SHANK2: variants seen among roughly 807,000 people sequenced by gnomAD.
SHANK2 encodes SH3 and multiple ankyrin repeat domains protein 2.
In SHANK2, 43 loss-of-function variants were observed where a neutral mutation model predicts 133.7. That is an observed-to-expected ratio of 0.32 (90% CI 0.25 to 0.41). The LOEUF is 0.41. Among genes scored for constraint, SHANK2 ranks in the 10% least tolerant of loss-of-function variants. SHANK2 has a pLI of 1.00. For synonymous variants in SHANK2, 1,017 were observed against 952.8 expected (o/e 1.07, Z -1.24); for missense variants, 1,994 against 2,235.8 (o/e 0.89, Z 2.18).
intron 17 of SHANK2, among the ~76,000 whole-genome samples, chr11:70,653,282 T>C (rs1211640789): frequency 1.3e-5 from 2 of 152,088 alleles, no homozygotes; most frequent in African/African-American, 4.8e-5. Flanking sequence ...CTGGACTTCA[T>C]TTTCTTTCCT....
At chr11:70,734,329 G>A (rs1946354863) in intron 14 of SHANK2, among the ~76,000 whole-genome samples, 4 of 152,212 alleles carry the variant, frequency 2.6e-5, no homozygotes, top group Admixed American at 6.5e-5. Flanking sequence ...GTTAAAACCC[G>A]AGGGAGGTCG....
intron 3 of SHANK2, among the ~76,000 whole-genome samples, chr11:71,121,888 T>C (rs1362870024): frequency 6.6e-6 from 1 of 152,092 alleles, no homozygotes; most frequent in Non-Finnish European, 1.5e-5. Flanking sequence ...AACAGACACA[T>C]GAAAAAATGC....
At chr11:70,669,261 C>G (rs549122910) in intron 15 of SHANK2, 2 of 152,242 alleles carry the variant, frequency 1.3e-5, no homozygotes, top group African/African-American at 2.4e-5. Flanking sequence ...CTGTGGGGAA[C>G]GGTGGATGAC....
At chr11:70,499,978 C>A (rs2059027063) in intron 21 of SHANK2, among the ~76,000 whole-genome samples, 1 of 152,174 alleles carries the variant, frequency 6.6e-6, no homozygotes, top group South Asian at 2.1e-4. Context: ...GCAATACCCC[C>A]CGATGTGCTT....
chr11:71,250,308 CAAGG>C (rs1948157795), intron 1 of SHANK2, among the ~76,000 whole-genome samples: 1 of 152,152 alleles, frequency 6.6e-6, no homozygotes, highest in Non-Finnish European at 1.5e-5. Flanking sequence ...TCCAGGAAAA[CAAGG>C]AATTCCTGGG....
chr11:70,936,024 A>T (rs1279831134), intron 10 of SHANK2, among the ~76,000 whole-genome samples: 5 of 152,220 alleles, frequency 3.3e-5, no homozygotes, highest in Admixed American at 3.3e-4. Flanking sequence ...CCTGCGGCTG[A>T]GGTCTCACAC....
intron 10 of SHANK2, chr11:70,943,836 G>A (rs925153838): frequency 4.5e-6 from 2 of 440,696 alleles, no homozygotes; most frequent in African/African-American, 4.0e-5. Context: ...TCACCACAGG[G>A]CCAACCACAT....
chr11:70,761,837 G>T (rs1555040311), intron 14 of SHANK2, among the ~76,000 whole-genome samples: 1 of 152,204 alleles, frequency 6.6e-6, no homozygotes, highest in East Asian at 1.9e-4. Flanking sequence ...CCAAACCTGA[G>T]CTGCCCCGGA....
intron 10 of SHANK2, among the ~76,000 whole-genome samples, chr11:71,055,901 A>G (rs1474022479): frequency 1.3e-5 from 2 of 151,316 alleles, no homozygotes; most frequent in East Asian, 4.0e-4. Flanking sequence ...CAGCATCATG[A>G]ATATTCTTAA....
At chr11:71,190,662 C>T (rs72957130) in intron 2 of SHANK2, among the ~76,000 whole-genome samples, 7 of 152,272 alleles carry the variant, frequency 4.6e-5, no homozygotes, top group Admixed American at 6.5e-5. Context: ...AAGTGTGTGA[C>T]GTCCTGCAGG....
chr11:71,096,373 A>G (rs1951612888), intron 6 of SHANK2, among the ~76,000 whole-genome samples: 1 of 152,320 alleles, frequency 6.6e-6, no homozygotes, highest in East Asian at 1.9e-4. Context: ...AGAGTTCCAC[A>G]TGTGCACAGA....
At chr11:71,089,195 C>A (rs1555093479) in intron 8 of SHANK2, among the ~76,000 whole-genome samples, 1 of 152,220 alleles carries the variant, frequency 6.6e-6, no homozygotes, top group Non-Finnish European at 1.5e-5. Flanking sequence ...GGAGCTGCCT[C>A]TTCCACATCC....
chr11:70,818,626 C>T lies in SHANK2; in HGVS notation c.1493+1738G>A, dbSNP rs139164114. The stretch of plus-strand genomic sequence containing the variant: ...TAATTTAGCTTCCCATTGTTCTCAG[C>T]ACCTGGGACTCCTCCCTTGGGGTCC... On this transcript the variant is annotated intron_variant, in intron 12 of 25. Transcript: ENST00000601538. 2.9e-3 allele frequency among the ~76,000 whole-genome samples: 436 copies of T among 152,310 alleles called. 2 individuals carry two copies. Among genetic ancestry groups the T allele is most frequent in the African/African-American group, 9.7e-3 (403 of 41,562 alleles).
Position 70,473,257 on chromosome 11 carries a change from G to T in SHANK2, c.5162C>A (p.Thr1721Asn), listed in dbSNP as rs1555149187. ...GGCAGCAGACAGGGGGGCGGGCAGG[G>T]TCTCTTTGTTCATCTCTGTTGGCGA... ...VVSPTEMNKE[T>N]LPAPLSAATA... is the part of the protein sequence containing the mutation. Residue 1721 changes from threonine (T) to asparagine (N), a missense_variant, in exon 26 of 26, where the codon ACC (threonine) becomes AAC (asparagine). Physicochemically the swap from Thr to Asn is moderately conservative, Grantham distance 65 (BLOSUM62 0). Coordinates refer to ENST00000601538, the MANE Select transcript of SHANK2 (RefSeq NM_012309.5). The surrounding 1 kb of genome is among the most constrained non-coding windows in gnomAD (Gnocchi z 5.9). The T allele has an allele frequency of 6.2e-7, 1 of 1,611,236 alleles. No homozygotes were observed. The highest frequency in any genetic ancestry group is 8.5e-7 in the Non-Finnish European group (1 of 1,177,574).
intron 2 of SHANK2, among the ~76,000 whole-genome samples, chr11:71,161,548 T>C (rs1953017945): frequency 6.6e-6 from 1 of 152,208 alleles, no homozygotes; most frequent in African/African-American, 2.4e-5. Flanking sequence ...TCCAACCCCT[T>C]ATCTTAACCC....
At chr11:70,912,254 T>C (rs1318024104) in intron 10 of SHANK2, among the ~76,000 whole-genome samples, 1 of 152,190 alleles carries the variant, frequency 6.6e-6, no homozygotes, top group East Asian at 1.9e-4. Flanking sequence ...TAACAAATTA[T>C]ATAAGCTAAA....
At chr11:70,908,457 C>T (rs986814853) in intron 10 of SHANK2, among the ~76,000 whole-genome samples, 2 of 152,236 alleles carry the variant, frequency 1.3e-5, no homozygotes, top group Non-Finnish European at 2.9e-5. Context: ...TCCGCCTGTG[C>T]ATGGGAGTGG....
intron 17 of SHANK2, among the ~76,000 whole-genome samples, chr11:70,508,962 C>T (rs1314348667): frequency 6.6e-6 from 1 of 152,184 alleles, no homozygotes; most frequent in Admixed American, 6.5e-5. Flanking sequence ...AGGGTGAGAT[C>T]AGGGTGATGC....
chr11:70,644,756 T>G (rs2061237609), intron 17 of SHANK2, among the ~76,000 whole-genome samples: 1 of 152,254 alleles, frequency 6.6e-6, no homozygotes, highest in Non-Finnish European at 1.5e-5. Flanking sequence ...AGTCCCACTT[T>G]GCTGTGCTCA....
Sources: gnomAD v4.1 joint callset for allele counts (sites outside exome capture counted in the v4.1 genomes callset) on GRCh38, gnomAD v4.1.1 for gene constraint, Gnocchi (gnomAD v3.1) non-coding constraint, MANE v1.5 for transcripts, NCBI Gene and HGNC (gene_info 2026-07-23, HGNC 2026-07-21) for gene names.